Variants in MAGI1 observed in about 807,000 individuals in gnomAD.
MAGI1 encodes membrane-associated guanylate kinase, WW and PDZ domain-containing protein 1.
In MAGI1, 58 loss-of-function variants were observed where a neutral mutation model predicts 139.9. The observed-to-expected ratio is 0.41, with a 90% CI of 0.34 to 0.52. The LOEUF (loss-of-function observed/expected upper bound fraction) is 0.52. Ranked by LOEUF, MAGI1 falls within the 20% of genes least tolerant of loss-of-function variation. The pLI is 0.12. For synonymous variants in MAGI1, 812 were observed against 737.9 expected (o/e 1.10, Z -1.63); for missense variants, 1,874 against 1,901.6 (o/e 0.99, Z 0.27).
chr3:65,505,952 G>A (rs1322737036), intron 2 of MAGI1, among the ~76,000 whole-genome samples: 1 of 152,012 alleles, frequency 6.6e-6, no homozygotes, highest in Non-Finnish European at 1.5e-5. Context: ...ATAATAAATA[G>A]TATAATTTAC....
chr3:66,033,342 G>C (rs78122882), intron 1 of MAGI1, among the ~76,000 whole-genome samples: 1,957 of 152,274 alleles, frequency 0.013, 29 homozygotes, highest in South Asian at 0.055. Context: ...GCAGTCAGTG[G>C]TGTGTGGGGG....
At chr3:65,519,579 T>G (rs2078061485) in intron 2 of MAGI1, among the ~76,000 whole-genome samples, 1 of 151,998 alleles carries the variant, frequency 6.6e-6, no homozygotes, top group East Asian at 1.9e-4. Context: ...AGAGATAGGG[T>G]TTCACCACGT....
intron 2 of MAGI1, among the ~76,000 whole-genome samples, chr3:65,575,497 G>A (rs2081140751): frequency 6.6e-6 from 1 of 152,078 alleles, no homozygotes; most frequent in South Asian, 2.1e-4. Context: ...ATGACCATGT[G>A]ACCCAGTAAT....
chr3:65,895,932 C>T (rs2060021), intron 1 of MAGI1, among the ~76,000 whole-genome samples: 78,006 of 151,698 alleles, frequency 0.51, 20,110 homozygotes, highest in South Asian at 0.69. Flanking sequence ...AGATAGATAC[C>T]CAGGTTGTTC....
intron 1 of MAGI1, among the ~76,000 whole-genome samples, chr3:65,744,824 C>T (rs891366540): frequency 6.6e-6 from 1 of 152,032 alleles, no homozygotes; most frequent in East Asian, 1.9e-4. Flanking sequence ...ACGAAATTTG[C>T]CATCTTAACC....
At chr3:65,946,714 C>G (rs1210570207) in intron 1 of MAGI1, among the ~76,000 whole-genome samples, 1 of 152,154 alleles carries the variant, frequency 6.6e-6, no homozygotes, top group Non-Finnish European at 1.5e-5. Context: ...AGCGCACCCA[C>G]CAGCCTGCGC....
At chr3:65,734,376 CTT>C (rs2034491063) in intron 1 of MAGI1, among the ~76,000 whole-genome samples, 1 of 151,130 alleles carries the variant, frequency 6.6e-6, no homozygotes, top group South Asian at 2.1e-4. Flanking sequence ...AGGAGGATCT[CTT>C]GAGCCCAGGA....
intron 1 of MAGI1, among the ~76,000 whole-genome samples, chr3:65,627,951 A>G (rs182965908): frequency 6.6e-6 from 1 of 152,178 alleles, no homozygotes; most frequent in African/African-American, 2.4e-5. Context: ...ATGTTGTATA[A>G]TATTCAATAT....
At chr3:65,806,480 C>T (rs2040860069) in intron 1 of MAGI1, among the ~76,000 whole-genome samples, 1 of 152,114 alleles carries the variant, frequency 6.6e-6, no homozygotes, top group Non-Finnish European at 1.5e-5. Context: ...AGGGCAAACG[C>T]CGAGCTGTAA....
At chr3:65,759,084 AAAAAAAAAAAAT>A (rs1186818161) in intron 1 of MAGI1, among the ~76,000 whole-genome samples, 4 of 149,514 alleles carry the variant, frequency 2.7e-5, no homozygotes, top group African/African-American at 5.1e-5. Flanking sequence ...AAAAAAAAAA[AAAAAAAAAAAAT>A]GGAAAGTGAA....
At chr3:65,999,655 T>A (rs1436242506) in intron 1 of MAGI1, among the ~76,000 whole-genome samples, 6 of 152,122 alleles carry the variant, frequency 3.9e-5, no homozygotes, top group Non-Finnish European at 8.8e-5. Flanking sequence ...TTAATGTTGG[T>A]TTATTCCTTT....
intron 1 of MAGI1, among the ~76,000 whole-genome samples, chr3:65,668,963 C>T (rs1409650895): frequency 2.0e-5 from 3 of 152,018 alleles, no homozygotes; most frequent in Admixed American, 1.3e-4. Flanking sequence ...GATGGAGTCT[C>T]GCTCTGTTGC....
intron 2 of MAGI1, among the ~76,000 whole-genome samples, chr3:65,621,575 C>T (rs181958259): frequency 2.0e-5 from 3 of 152,246 alleles, no homozygotes; most frequent in Non-Finnish European, 2.9e-5. Flanking sequence ...GTCCGAAGGC[C>T]GCTGGCCAGG....
At chr3:65,788,335 A>G (rs1052298450) in intron 1 of MAGI1, among the ~76,000 whole-genome samples, 2 of 152,240 alleles carry the variant, frequency 1.3e-5, no homozygotes, top group African/African-American at 4.8e-5. Context: ...TGGACTAGCC[A>G]AGGTCTTGAA....
intron 1 of MAGI1, among the ~76,000 whole-genome samples, chr3:65,867,170 T>C (rs554502218): frequency 6.6e-6 from 1 of 152,260 alleles, no homozygotes; most frequent in South Asian, 2.1e-4. Context: ...ACCTAGAAAG[T>C]TACCAGGCCC....
chr3:65,365,543 T>C (rs894354591), intron 18 of MAGI1, among the ~76,000 whole-genome samples: 7 of 152,220 alleles, frequency 4.6e-5, no homozygotes, highest in Non-Finnish European at 1.0e-4. Context: ...AAAAGTCCTA[T>C]AGTAATAGCT....
intron 1 of MAGI1, among the ~76,000 whole-genome samples, chr3:65,685,145 A>G (rs866390062): frequency 6.6e-6 from 1 of 151,980 alleles, no homozygotes; most frequent in African/African-American, 2.4e-5. Context: ...AAAACTGCCT[A>G]TGAATCCACA....
At chr3:65,842,309 T>C (rs967230662) in intron 1 of MAGI1, among the ~76,000 whole-genome samples, 2 of 152,098 alleles carry the variant, frequency 1.3e-5, no homozygotes, top group East Asian at 3.9e-4. Context: ...TTCACACCTG[T>C]TTTCTCTTTC....
chr3:65,619,938 G>A (rs2083577227), intron 2 of MAGI1: 2 of 985,286 alleles, frequency 2.0e-6, no homozygotes, highest in African/African-American at 3.5e-5. Flanking sequence ...AATGCCAAGG[G>A]GCTTTATACC....
Sources: gnomAD v4.1 joint callset for allele counts (sites outside exome capture counted in the v4.1 genomes callset) on GRCh38, gnomAD v4.1.1 for gene constraint, MANE v1.5 for transcripts, NCBI Gene and HGNC (gene_info 2026-07-23, HGNC 2026-07-21) for gene names.